Variants in CPEB1 observed in about 807,000 individuals in gnomAD.
The protein encoded by CPEB1 is cytoplasmic polyadenylation element binding protein 1, also known as cytoplasmic polyadenylation element-binding protein 1.
In CPEB1, 7 loss-of-function variants were observed where a neutral mutation model predicts 65.8. The ratio of observed to expected loss-of-function variants is 0.11; its 90% CI spans 0.06 to 0.20. The LOEUF is 0.20. Among genes scored for constraint, CPEB1 ranks in the 10% least tolerant of loss-of-function variants. The probability of loss-of-function intolerance (pLI) is 1.00; values close to 1 mark genes in which losing one functional copy is unlikely to be tolerated. For synonymous variants in CPEB1, 262 were observed against 260.0 expected, an observed-to-expected ratio of 1.01 and a Z score of -0.08; for missense variants, 551 against 712.2, an observed-to-expected ratio of 0.77 and a Z score of 2.58.
Position 82,604,882 on chromosome 15 carries a change from C to G in CPEB1, c.271+22311G>C, listed in dbSNP as rs11854029. Among the ~76,000 whole-genome samples, 74 of 152,186 alleles carry G rather than the reference C, an allele frequency of 4.9e-4. 1 individual carries two copies. The highest frequency in any genetic ancestry group is 1.7e-3 in the African/African-American group (69 of 41,522). On this transcript the variant is annotated intron_variant, in intron 3 of 12. Coordinates refer to ENST00000684509, the MANE Select transcript of CPEB1 (RefSeq NM_001365242.1). The stretch of plus-strand genomic sequence containing the variant: ...GAAAACGTTGATGAAAAACATTAAT[C>G]TACATATTCAAAAAATCCAATGAAC...
At chr15:82,615,364 G>C (rs2044615371) in intron 3 of CPEB1, among the ~76,000 whole-genome samples, 1 of 152,212 alleles carries the variant, frequency 6.6e-6, no homozygotes, top group African/African-American at 2.4e-5. Context: ...TAAAGTTTCT[G>C]AAGTGACAAC....
chr15:82,557,817 G>C lies in CPEB1; in HGVS notation c.630C>G (p.Pro210=). 1.2e-6 allele frequency: 2 copies of C among 1,614,176 alleles called. No individual in the cohort carries two copies. The highest frequency in any genetic ancestry group is 1.1e-5 in the South Asian group (1 of 91,082). ...RPILDSRSSS[P]SDSDTSGFSS... is the part of the protein sequence containing the mutation. ...TGAAGCCACTGGTGTCTGAGTCAGA[G>C]GGGCTGCTAGATCGAGAGTCCAGGA... The change falls in exon 5 of 13, where the codon CCC becomes CCG. Residue 210 remains proline (P), a synonymous_variant. Coordinates refer to ENST00000684509, the MANE Select transcript of CPEB1 (RefSeq NM_001365242.1).
chr15:82,556,912 G>C (rs896401033), intron 5 of CPEB1, among the ~76,000 whole-genome samples: 2 of 152,190 alleles, frequency 1.3e-5, no homozygotes, highest in African/African-American at 4.8e-5. Context: ...CACAACCAAA[G>C]TTGCCAGTCC....
At chr15:82,557,415 G>A (rs536604461) in intron 5 of CPEB1, 2 of 258,718 alleles carry the variant, frequency 7.7e-6, no homozygotes, top group East Asian at 1.5e-4. Context: ...CTGTTTAAGG[G>A]CTAAAGAAAG....
In CPEB1 at chr15:82,597,581, C is replaced by A. The variant is rs191387148; in HGVS notation, c.272-26049G>T. Reference sequence around the variant, plus strand: ...GTTTATCTGTCTAGTGAACTTTCAGCTGCACAGATAGAGAAACAGGGTCTT... The same window carrying A: ...GTTTATCTGTCTAGTGAACTTTCAGATGCACAGATAGAGAAACAGGGTCTT... On this transcript the variant is annotated intron_variant, in intron 3 of 12. Coordinates refer to ENST00000684509, the MANE Select transcript of CPEB1 (RefSeq NM_001365242.1). Among the ~76,000 whole-genome samples, 56 of 152,284 alleles carry A rather than the reference C, an allele frequency of 3.7e-4. No homozygotes were observed. In the East Asian group the frequency reaches 9.7e-3, roughly 26 times the overall value.
chr15:82,552,300 T>A (rs1354786891), intron 9 of CPEB1, among the ~76,000 whole-genome samples, 180 bp downstream of exon 9: 1 of 75,846 alleles, frequency 1.3e-5, no homozygotes, highest in Non-Finnish European at 2.3e-5. Flanking sequence ...CAAAGGTTGC[T>A]TTTTTTTTTT....
intron 1 of CPEB1, among the ~76,000 whole-genome samples, chr15:82,644,702 T>C (rs970930400): frequency 6.6e-6 from 1 of 152,218 alleles, no homozygotes; most frequent in Non-Finnish European, 1.5e-5. Flanking sequence ...TACTCTGTAG[T>C]TCAGAAGCCA....
chr15:82,603,027 G>A (rs1190387984), intron 3 of CPEB1, among the ~76,000 whole-genome samples: 6 of 152,108 alleles, frequency 3.9e-5, no homozygotes, highest in Admixed American at 3.9e-4. Flanking sequence ...GCAGAAATCT[G>A]GGGAGTATTT....
At chr15:82,581,396 AC>A (rs1407390711) in intron 3 of CPEB1, among the ~76,000 whole-genome samples, 12 of 152,332 alleles carry the variant, frequency 7.9e-5, no homozygotes, top group African/African-American at 2.6e-4. Flanking sequence ...TGTAAATAGT[AC>A]TGTTATGAAC....
chr15:82,642,793 C>A (rs2047213448), intron 1 of CPEB1, among the ~76,000 whole-genome samples: 1 of 152,146 alleles, frequency 6.6e-6, no homozygotes, highest in Non-Finnish European at 1.5e-5. Context: ...ATGAGATTAG[C>A]ACAACTTCTC....
chr15:82,577,519 T>G (rs761439120), intron 3 of CPEB1, among the ~76,000 whole-genome samples: 1 of 152,136 alleles, frequency 6.6e-6, no homozygotes, highest in Non-Finnish European at 1.5e-5. Flanking sequence ...CTGTTTTTAT[T>G]TTTTGAGATG....
At chr15:82,624,677 C>G (rs2045601604) in intron 3 of CPEB1, among the ~76,000 whole-genome samples, 1 of 152,212 alleles carries the variant, frequency 6.6e-6, no homozygotes, top group East Asian at 1.9e-4. Context: ...AACATACACT[C>G]TGGAAAGCTC....
At chr15:82,604,023 G>T (rs190920159) in intron 3 of CPEB1, among the ~76,000 whole-genome samples, 3 of 152,288 alleles carry the variant, frequency 2.0e-5, no homozygotes, top group Non-Finnish European at 2.9e-5. Context: ...ATTAGACAAA[G>T]ACTCTAGCTA....
rs1466231140 is a variant in CPEB1 at position 82,557,475 on chromosome 15, C to G, written c.687+285G>C. 7.8e-6 allele frequency: 3 copies of G among 383,826 alleles called. No individual in the cohort carries two copies. The East Asian group carries it at 1.2e-4, about 16-fold the overall frequency. 23.8% of individuals were successfully genotyped at this position (383,826 alleles called of 1,614,324 possible). A position where few individuals can be genotyped will look rare whatever the true frequency, so the allele number is the denominator to read the frequency against. On this transcript the variant is annotated intron_variant, in intron 5 of 12. Coordinates refer to ENST00000684509, the MANE Select transcript of CPEB1 (RefSeq NM_001365242.1). ...AACACTGCCAGGGCCCTCACGTTTA[C>G]TTTTGAAATTAAGTGTTTTCCAGTA...
At chr15:82,567,585 A>T (rs1192617886) in intron 4 of CPEB1, among the ~76,000 whole-genome samples, 2 of 151,978 alleles carry the variant, frequency 1.3e-5, no homozygotes, top group East Asian at 3.9e-4. Flanking sequence ...GCAGTGAGCC[A>T]AGATCGCACC....
chr15:82,636,796 G>A (rs2046695111), intron 1 of CPEB1, among the ~76,000 whole-genome samples: 2 of 152,118 alleles, frequency 1.3e-5, no homozygotes, highest in Admixed American at 6.5e-5. Context: ...TCACACTCCT[G>A]TCATAGGTAT....
At chr15:82,565,593 C>A (rs917535553) in intron 4 of CPEB1, among the ~76,000 whole-genome samples, 4 of 152,230 alleles carry the variant, frequency 2.6e-5, no homozygotes, top group African/African-American at 9.6e-5. Context: ...AGTGTCTCAT[C>A]TCAAAGTCCA....
intron 3 of CPEB1, among the ~76,000 whole-genome samples, chr15:82,589,966 T>C (rs895918480): frequency 2.0e-5 from 3 of 152,206 alleles, no homozygotes; most frequent in Admixed American, 6.5e-5. Context: ...TGTACCATTT[T>C]ACATCAGGGA....
chr15:82,628,368 G>C lies in CPEB1; in HGVS notation c.92C>G (p.Pro31Arg), dbSNP rs964462751. 1.4e-6 allele frequency: 1 copy of C among 702,686 alleles called. No homozygotes were observed. Among genetic ancestry groups the C allele is most frequent in the Non-Finnish European group, 2.6e-6 (1 of 384,896 alleles). The allele number at this position is 702,686 out of a possible 1,614,324, so 43.5% of individuals were successfully genotyped here. Reference sequence around the variant, plus strand: ...GAAATCCAAGAGTTAACATACCAGAGGAATTAGCAGAAGACAATCTGATAG... The same window carrying C: ...GAAATCCAAGAGTTAACATACCAGACGAATTAGCAGAAGACAATCTGATAG... ...SSLSDCLLLI[P>R]LEEEAGRIKD... is the part of the protein sequence containing the mutation. Residue 31 changes from proline to arginine, a missense_variant, in exon 2 of 13, where the codon CCT becomes CGT. Pro to Arg is a moderately radical substitution (Grantham distance 103). This residue lies in a region of CPEB1 where 223 missense variants were observed against 228.6 expected (regional missense o/e 0.98). Coordinates refer to ENST00000684509, the MANE Select transcript of CPEB1 (RefSeq NM_001365242.1).
Sources: gnomAD v4.1 joint callset for allele counts (sites outside exome capture counted in the v4.1 genomes callset) on GRCh38, gnomAD v4.1.1 for gene constraint, gnomAD v4.1.1 regional missense constraint, MANE v1.5 for transcripts, NCBI Gene and HGNC (gene_info 2026-07-23, HGNC 2026-07-21) for gene names.